ST6GALNAC3: variants seen among roughly 807,000 people sequenced by gnomAD.
ST6GALNAC3 encodes the protein alpha-N-acetylgalactosaminide alpha-2,6-sialyltransferase 3.
ST6GALNAC3 carries 25 observed loss-of-function variants against 32.7 expected under a neutral mutation model. The observed-to-expected ratio is 0.76, with a 90% CI of 0.56 to 1.07. The LOEUF (loss-of-function observed/expected upper bound fraction) is 1.07. Among genes scored for constraint, ST6GALNAC3 ranks in the 50% least tolerant of loss-of-function variants. ST6GALNAC3 has a pLI of 0.00. For synonymous variants in ST6GALNAC3, 129 were observed against 133.1 expected, an observed-to-expected ratio of 0.97 and a Z score of 0.21; for missense variants, 355 against 382.4, an observed-to-expected ratio of 0.93 and a Z score of 0.60.
intron 1 of ST6GALNAC3, among the ~76,000 whole-genome samples, chr1:76,280,727 A>G (rs1188989451): frequency 6.6e-6 from 1 of 152,246 alleles, no homozygotes; most frequent in African/African-American, 2.4e-5. Flanking sequence ...ACCTCTTTAC[A>G]AATCTCAGAT....
intron 1 of ST6GALNAC3, among the ~76,000 whole-genome samples, chr1:76,223,772 AT>A (rs1167457065): frequency 6.6e-6 from 1 of 152,076 alleles, no homozygotes; most frequent in Non-Finnish European, 1.5e-5. Flanking sequence ...TTTCCTGATT[AT>A]TGATGCCATG....
chr1:76,562,018 A>G (rs891006407), intron 3 of ST6GALNAC3, among the ~76,000 whole-genome samples: 9 of 152,176 alleles, frequency 5.9e-5, no homozygotes, highest in Non-Finnish European at 1.0e-4. Context: ...ATATAATTCT[A>G]TTTATATGAA....
At chr1:76,290,246 T>C (rs1259834618) in intron 1 of ST6GALNAC3, among the ~76,000 whole-genome samples, 1 of 152,230 alleles carries the variant, frequency 6.6e-6, no homozygotes, top group Non-Finnish European at 1.5e-5. Flanking sequence ...TATGCTCAGG[T>C]AAGACTATTT....
At chr1:76,426,586 G>T (rs1261787811) in intron 3 of ST6GALNAC3, among the ~76,000 whole-genome samples, 2 of 151,408 alleles carry the variant, frequency 1.3e-5, no homozygotes, top group African/African-American at 4.9e-5. Flanking sequence ...TATATAGGGA[G>T]AGAGAGAAAG....
At chr1:76,568,575 A>G (rs190456026) in intron 3 of ST6GALNAC3, among the ~76,000 whole-genome samples, 3 of 152,314 alleles carry the variant, frequency 2.0e-5, no homozygotes, top group Admixed American at 2.0e-4. Flanking sequence ...GCATGGATTA[A>G]CACCTACTTC....
intron 1 of ST6GALNAC3, among the ~76,000 whole-genome samples, chr1:76,088,623 C>A (rs760258390): frequency 6.6e-6 from 1 of 152,074 alleles, no homozygotes; most frequent in Non-Finnish European, 1.5e-5. Flanking sequence ...TCACTCATCT[C>A]TCTAGATAAG....
intron 1 of ST6GALNAC3, among the ~76,000 whole-genome samples, chr1:76,252,552 T>C (rs566436736): frequency 0.022 from 3,245 of 147,244 alleles, 67 homozygotes; most frequent in Non-Finnish European, 0.029. Flanking sequence ...TGGCCCCCCC[T>C]TTTTTTTTTA....
intron 3 of ST6GALNAC3, among the ~76,000 whole-genome samples, chr1:76,571,770 T>A (rs1665875690): frequency 6.6e-6 from 1 of 152,104 alleles, no homozygotes; most frequent in African/African-American, 2.4e-5. Context: ...AAAATTATTG[T>A]GGTACTCACT....
In ST6GALNAC3 at chr1:76,567,757, C is replaced by T. The variant is rs1404966094; in HGVS notation, c.624-59695C>T. 3.3e-5 allele frequency among the ~76,000 whole-genome samples: 5 copies of T among 152,164 alleles called. No homozygotes were observed. In the South Asian group the frequency reaches 1.0e-3, roughly 32 times the overall value. On this transcript the variant is annotated intron_variant, in intron 3 of 4. Coordinates refer to ENST00000328299, the MANE Select transcript of ST6GALNAC3 (RefSeq NM_152996.4). ...CCTACAGTGCATTTCAGTTATTTAC[C>T]TTGAAAATTCTTCAGCCCATCCAGA... is the stretch of plus-strand genomic sequence containing the variant.
At chr1:76,289,850 C>T (rs73000483) in intron 1 of ST6GALNAC3, among the ~76,000 whole-genome samples, 2,661 of 152,270 alleles carry the variant, frequency 0.017, 70 homozygotes, top group African/African-American at 0.061. Flanking sequence ...AGCCCAACCC[C>T]CCTTCCACAG....
intron 3 of ST6GALNAC3, among the ~76,000 whole-genome samples, chr1:76,443,795 G>C (rs1020354738): frequency 6.6e-6 from 1 of 152,202 alleles, no homozygotes; most frequent in Non-Finnish European, 1.5e-5. Flanking sequence ...TAGCCTTCTA[G>C]TCTTGCCTTA....
At chr1:76,462,411 T>G (rs1242588261) in intron 3 of ST6GALNAC3, among the ~76,000 whole-genome samples, 1 of 152,174 alleles carries the variant, frequency 6.6e-6, no homozygotes, top group African/African-American at 2.4e-5. Flanking sequence ...CCTTGTGCAT[T>G]CTTATTTTCT....
chr1:76,620,530 G>T (rs940935992), intron 3 of ST6GALNAC3, among the ~76,000 whole-genome samples: 2 of 152,050 alleles, frequency 1.3e-5, no homozygotes, highest in East Asian at 3.9e-4. Context: ...TTCTGGTGAA[G>T]GCTCTCTTCC....
rs554454504 is a variant in ST6GALNAC3, at chr1:76,103,568, G to A, written c.18+28684G>A. Reference sequence around the variant, plus strand: ...CTCATTTTTATGAGTTCCATAGGATGGCGTAGCAAATTACTAGAGACTGGG... The same window carrying A: ...CTCATTTTTATGAGTTCCATAGGATAGCGTAGCAAATTACTAGAGACTGGG... On this transcript the variant is annotated intron_variant, in intron 1 of 4. Transcript: ENST00000328299. 2.6e-5 allele frequency among the ~76,000 whole-genome samples: 4 copies of A among 152,264 alleles called. No individual in the cohort carries two copies. In the South Asian group the frequency reaches 8.3e-4, roughly 32 times the overall value.
intron 1 of ST6GALNAC3, among the ~76,000 whole-genome samples, chr1:76,237,899 A>G (rs1049093715): frequency 2.0e-5 from 3 of 152,234 alleles, no homozygotes; most frequent in African/African-American, 7.2e-5. Flanking sequence ...ACTTGCCTGG[A>G]TATGAAATAC....
intron 2 of ST6GALNAC3, among the ~76,000 whole-genome samples, chr1:76,347,897 G>A (rs1017617609): frequency 1.3e-5 from 2 of 152,118 alleles, no homozygotes; most frequent in African/African-American, 4.8e-5. Context: ...ATGGTGCCTG[G>A]TCCATGGTGT....
intron 3 of ST6GALNAC3, among the ~76,000 whole-genome samples, chr1:76,619,019 A>G (rs755502107): frequency 5.3e-5 from 8 of 152,124 alleles, no homozygotes; most frequent in Non-Finnish European, 1.0e-4. Flanking sequence ...TGCATAGGCC[A>G]TCTGTAGTAG....
chr1:76,291,105 G>A (rs943732247), intron 1 of ST6GALNAC3, among the ~76,000 whole-genome samples: 22 of 152,194 alleles, frequency 1.4e-4, no homozygotes, highest in African/African-American at 5.3e-4. Context: ...GGAGGAGATG[G>A]ATGTTCTAAG....
chr1:76,118,596 A>G (rs1169861676), intron 1 of ST6GALNAC3, among the ~76,000 whole-genome samples: 5 of 152,342 alleles, frequency 3.3e-5, no homozygotes. Flanking sequence ...TTTCAAGTGC[A>G]GATGACCTAG....
Sources: gnomAD v4.1 joint callset for allele counts (sites outside exome capture counted in the v4.1 genomes callset) on GRCh38, gnomAD v4.1.1 for gene constraint, MANE v1.5 for transcripts, NCBI Gene and HGNC (gene_info 2026-07-23, HGNC 2026-07-21) for gene names.